CCDC9: variants seen among roughly 807,000 people sequenced by gnomAD.
The protein encoded by CCDC9 is coiled-coil domain containing 9.
A neutral mutation model predicts 65.6 loss-of-function variants in CCDC9; 52 were observed. The observed-to-expected ratio is 0.79, with a 90% CI of 0.63 to 1.00. The LOEUF (loss-of-function observed/expected upper bound fraction) is 1.00, where lower values mean the gene tolerates loss of function less well. Ranked by LOEUF, CCDC9 falls within the 50% of genes least tolerant of loss-of-function variation. CCDC9 has a pLI of 0.00. For missense variants in CCDC9, 834 were observed against 757.2 expected (o/e 1.10, Z -1.19); for synonymous variants, 332 against 280.3 (o/e 1.18, Z -1.84).
intron 7 of CCDC9, 49 bp from the exon 8 acceptor site, chr19:47,266,562 G>T (rs368410576): frequency 4.3e-5 from 62 of 1,456,748 alleles, no homozygotes; most frequent in Non-Finnish European, 5.5e-5. Flanking sequence ...GCTTAGGGGC[G>T]GGGTAGGGTG....
At chr19:47,275,031 C>G (rs1181159300), downstream of CCDC9, 1 of 1,489,542 alleles carries the variant, frequency 6.7e-7, no homozygotes, top group African/African-American at 1.5e-5. Context: ...CGCCTACTTC[C>G]TCTGCGTCTC....
intron 1 of CCDC9, 58 bp from the exon 2 acceptor site, chr19:47,258,272 A>C (rs562157936): frequency 1.1e-6 from 1 of 908,452 alleles, no homozygotes; most frequent in East Asian, 2.4e-5. Flanking sequence ...AGTATGTTAG[A>C]GGGTGAAGTA....
rs747762849 is a variant in CCDC9, at chr19:47,271,452, C to A, written c.1370C>A (p.Pro457His). ...AQDHQAPEAA[P>H]TGIPCSEQAH... is the part of the protein sequence containing the mutation. Reference sequence around the variant, plus strand: ...GACCACCAAGCCCCAGAGGCTGCCCCCACCGGGATCCCCTGCAGTGAGCAG... The same window carrying A: ...GACCACCAAGCCCCAGAGGCTGCCCACACCGGGATCCCCTGCAGTGAGCAG... Residue 457 changes from proline (P) to histidine (H), a missense_variant, in exon 12 of 12, where the codon CCC becomes CAC. Pro to His is a moderately conservative substitution (Grantham distance 77). Transcript: ENST00000221922. 8.1e-6 allele frequency: 13 copies of A among 1,613,734 alleles called. No homozygotes were observed. Among genetic ancestry groups the A allele is most frequent in the Non-Finnish European group, 9.3e-6 (11 of 1,179,974 alleles).
downstream of CCDC9, chr19:47,273,543 C>G: frequency 2.2e-6 from 1 of 460,488 alleles, no homozygotes; most frequent in Non-Finnish European, 3.5e-6. Flanking sequence ...CTGCCACACT[C>G]CAGCCAGGAG....
intron 3 of CCDC9, 114 bp from the exon 4 acceptor site, chr19:47,260,207 A>G (rs1029338912): frequency 1.1e-5 from 8 of 706,290 alleles, no homozygotes; most frequent in Non-Finnish European, 2.0e-5. Flanking sequence ...TCTTGTTCAG[A>G]GTCCAGGAGA....
chr19:47,273,926 C>G, downstream of CCDC9: 1 of 973,600 alleles, frequency 1.0e-6, no homozygotes, highest in Non-Finnish European at 1.2e-6. Flanking sequence ...AGGGGTCTTC[C>G]TCCACCCTTC....
At chr19:47,273,344 C>T (rs1200536847), downstream of CCDC9, 31 of 1,230,994 alleles carry the variant, frequency 2.5e-5, no homozygotes, top group Non-Finnish European at 3.0e-5. Flanking sequence ...GACTCAGCCC[C>T]TTCTCTCCTC....
intron 7 of CCDC9, chr19:47,266,360 GA>G: frequency 2.2e-6 from 1 of 451,952 alleles, no homozygotes; most frequent in Non-Finnish European, 3.8e-6. Context: ...CTGAGTAAAT[GA>G]AAATATAGTG....
intron 3 of CCDC9, 146 bp downstream of exon 3, chr19:47,258,809 C>G: frequency 1.6e-6 from 1 of 641,512 alleles, no homozygotes; most frequent in South Asian, 1.9e-5. Flanking sequence ...TCCCTTCTTT[C>G]ATTCCATTAT....
In CCDC9 at chr19:47,270,422, A is replaced by C. The variant is rs1251630884; in HGVS notation, c.918A>C (p.Pro306=). The C allele has an allele frequency of 6.2e-7, 1 of 1,614,032 alleles. No individual in the cohort carries two copies. The highest frequency in any genetic ancestry group is 1.7e-5 in the Admixed American group (1 of 59,992). The stretch of plus-strand genomic sequence containing the variant: ...TTTCCCCCAGGTTCAAGGATGGCCC[A>C]GTCCCTGCCCATGAACCATCCCACC... ...EKTDGMFKDG[P]VPAHEPSHRY... Residue 306 remains proline (P), a synonymous_variant, in exon 9 of 12, where the codon CCA becomes CCC. Transcript: ENST00000221922.
At chr19:47,274,058 TC>T, downstream of CCDC9, 2 of 841,034 alleles carry the variant, frequency 2.4e-6, no homozygotes, top group East Asian at 1.2e-4. Flanking sequence ...TATCTGGATT[TC>T]CAGGCTGTGT....
chr19:47,275,539 G>A (rs148714089), downstream of CCDC9: 681 of 705,968 alleles, frequency 9.6e-4, 10 homozygotes, highest in East Asian at 0.02. Context: ...GCTACTCTGT[G>A]GTCAGGCCGG....
downstream of CCDC9, chr19:47,273,582 G>C (rs1406645172): frequency 2.4e-6 from 1 of 413,294 alleles, no homozygotes; most frequent in East Asian, 3.6e-5. Flanking sequence ...GGAGGAGCCA[G>C]GGTCTGCGAG....
intron 4 of CCDC9, 41 bp from the exon 5 acceptor site, chr19:47,260,547 C>T: frequency 6.4e-7 from 1 of 1,555,394 alleles, no homozygotes; most frequent in Non-Finnish European, 8.7e-7. Context: ...GCATGCCTCC[C>T]TGCCCCAGTG....
At chr19:47,269,377 C>T (rs1600289097) in intron 8 of CCDC9, among the ~76,000 whole-genome samples, 2 of 151,026 alleles carry the variant, frequency 1.3e-5, no homozygotes, top group East Asian at 3.9e-4. Flanking sequence ...TTTTTTGAGA[C>T]TGAGTCTTGC....
At chr19:47,274,886 C>A (rs1470655688), downstream of CCDC9, 1 of 1,226,278 alleles carries the variant, frequency 8.2e-7, no homozygotes, top group Non-Finnish European at 1.0e-6. Flanking sequence ...GGGGCCTGTG[C>A]GGTCTGCGGC....
At chr19:47,274,796 T>TG (rs1568645006), downstream of CCDC9, 1 of 406,234 alleles carries the variant, frequency 2.5e-6, no homozygotes, top group Non-Finnish European at 3.0e-6. Context: ...GGCGTGACCA[T>TG]GCTGGCGGGG....
In CCDC9 at chr19:47,268,055, G is replaced by A. The variant is rs2059094016; in HGVS notation, c.902+1263G>A. Among the ~76,000 whole-genome samples, 4 of 151,948 alleles carry A rather than the reference G, an allele frequency of 2.6e-5. No homozygotes were observed. The South Asian group carries it at 8.3e-4, about 32-fold the overall frequency. On this transcript the variant is annotated intron_variant, in intron 8 of 11. Transcript: ENST00000221922. ...GTAGAGGTGGGGTTTCACCATGTTG[G>A]CCTGGCTGGTCTTGAACTCCTGACC...
downstream of CCDC9, chr19:47,273,562 A>C (rs946597714): frequency 4.6e-6 from 2 of 434,998 alleles, no homozygotes; most frequent in Non-Finnish European, 7.7e-6. Context: ...AGAGGGTTAA[A>C]TCTAAGGGGG....
Sources: gnomAD v4.1 joint callset for allele counts (sites outside exome capture counted in the v4.1 genomes callset) on GRCh38, gnomAD v4.1.1 for gene constraint, MANE v1.5 for transcripts, NCBI Gene and HGNC (gene_info 2026-07-23, HGNC 2026-07-21) for gene names.